NDUFA9: variants seen among roughly 807,000 people sequenced by gnomAD.
NDUFA9 encodes the protein NADH dehydrogenase [ubiquinone] 1 alpha subcomplex subunit 9, mitochondrial.
Under a neutral mutation model 45.9 loss-of-function variants are expected in NDUFA9, and 23 were observed. The ratio of observed to expected loss-of-function variants is 0.50; its 90% confidence interval spans 0.36 to 0.71. NDUFA9 has a LOEUF of 0.71. NDUFA9 is among the 30% of genes least tolerant of loss of function. The probability of loss-of-function intolerance (pLI) is 0.00; values close to 1 mark genes in which losing one functional copy is unlikely to be tolerated. For missense variants in NDUFA9, 466 were observed against 488.2 expected (o/e 0.95, Z 0.43); for synonymous variants, 176 against 170.5 (o/e 1.03, Z -0.25).
At chr12:4,654,140 G>C in intron 1 of NDUFA9, 152 bp from the exon 2 acceptor site, 1 of 670,510 alleles carries the variant, frequency 1.5e-6, no homozygotes, top group Non-Finnish European at 2.5e-6. Context: ...TGTCGTAGTA[G>C]TTTGTGTTTA....
intron 9 of NDUFA9, among the ~76,000 whole-genome samples, chr12:4,683,471 A>G (rs184137134): frequency 3.6e-4 from 55 of 152,338 alleles, no homozygotes; most frequent in African/African-American, 1.2e-3. Context: ...CAAACACTCA[A>G]AAATCTTATG....
intron 8 of NDUFA9, among the ~76,000 whole-genome samples, chr12:4,677,176 A>G (rs1445207497): frequency 6.6e-6 from 1 of 152,212 alleles, no homozygotes; most frequent in South Asian, 2.1e-4. Flanking sequence ...ACTTAAACGT[A>G]AGACCTAAAA....
At chr12:4,673,092 G>A (rs1198723233) in intron 8 of NDUFA9, among the ~76,000 whole-genome samples, 9 of 152,204 alleles carry the variant, frequency 5.9e-5, no homozygotes, top group Admixed American at 5.9e-4. Context: ...GGCAAACAGG[G>A]TCTGGTGTGG....
Position 4,693,948 on chromosome 12 carries a change from G to C in NDUFA9, c.*6840G>C, listed in dbSNP as rs555622626. On this transcript the variant is annotated 3_prime_UTR_variant, in exon 11 of 11. Transcript: ENST00000266544. ...GATTGGGGAAAAACACATCTTTTCT[G>C]GGGCTAGACAGTCCATAAATAGGAC... The C allele has an allele frequency of 2.0e-5, 3 of 152,296 alleles. No homozygotes were observed. In the East Asian group the frequency reaches 5.8e-4, roughly 29 times the overall value. 9.4% of individuals were successfully genotyped at this position (152,296 alleles called of 1,614,324 possible).
Position 4,689,615 on chromosome 12 carries a change from G to T in NDUFA9, c.*2507G>T. 2 of 190,968 alleles carry T rather than the reference G, an allele frequency of 1.0e-5. No homozygotes were observed. Among genetic ancestry groups the T allele is most frequent in the Non-Finnish European group, 1.0e-5 (1 of 97,850 alleles). 11.8% of individuals were successfully genotyped at this position (190,968 alleles called of 1,614,324 possible). A position where few individuals can be genotyped will look rare whatever the true frequency, so the allele number is the denominator to read the frequency against. ...CATGTTTCAGAGAGCACAGGGTTGGGGGTAAGATCATAGATCAACAGCATC... is the reference window on the plus strand; with the variant it reads ...CATGTTTCAGAGAGCACAGGGTTGGTGGTAAGATCATAGATCAACAGCATC... On this transcript the variant is annotated 3_prime_UTR_variant, in exon 11 of 11. Coordinates refer to ENST00000266544, the MANE Select transcript of NDUFA9 (RefSeq NM_005002.5).
intron 2 of NDUFA9, among the ~76,000 whole-genome samples, 157 bp downstream of exon 2, chr12:4,654,619 C>T (rs951103764): frequency 6.6e-6 from 1 of 152,120 alleles, no homozygotes; most frequent in Admixed American, 6.5e-5. Flanking sequence ...GAAGAGCACA[C>T]TCATGCTCCT....
intron 3 of NDUFA9, chr12:4,657,365 C>T (rs554641680): frequency 1.8e-4 from 31 of 169,888 alleles, no homozygotes; most frequent in African/African-American, 7.2e-4. Flanking sequence ...GAAAGTCTAT[C>T]TCCCTAATGA....
rs1291600764 is a variant in NDUFA9 at position 4,687,269 on chromosome 12, G to A, written c.*161G>A. On this transcript the variant is annotated 3_prime_UTR_variant, in exon 11 of 11. Coordinates refer to ENST00000266544, the MANE Select transcript of NDUFA9 (RefSeq NM_005002.5). Reference sequence around the variant, plus strand: ...TTTTCTTCCTTGATTTACAAAATGAGAAATGTAGTCACTTAGAACTTGAGC... The same window carrying A: ...TTTTCTTCCTTGATTTACAAAATGAAAAATGTAGTCACTTAGAACTTGAGC... The A allele has an allele frequency of 3.2e-6, 2 of 631,792 alleles. No individual in the cohort carries two copies. The highest frequency in any genetic ancestry group is 5.1e-6 in the Non-Finnish European group (2 of 391,610). The allele number at this position is 631,792 out of a possible 1,614,324, so 39.1% of individuals were successfully genotyped here. A position where few individuals can be genotyped will look rare whatever the true frequency, so the allele number is the denominator to read the frequency against.
chr12:4,682,574 G>A (rs1310354628), intron 9 of NDUFA9, among the ~76,000 whole-genome samples: 2 of 152,146 alleles, frequency 1.3e-5, no homozygotes, highest in East Asian at 1.9e-4. Context: ...TAAAACCATC[G>A]AGTTTAATTT....
At chr12:4,676,597 A>G (rs1945921419) in intron 8 of NDUFA9, among the ~76,000 whole-genome samples, 1 of 152,236 alleles carries the variant, frequency 6.6e-6, no homozygotes, top group African/African-American at 2.4e-5. Flanking sequence ...AGGGATGTGA[A>G]GGACCTATTC....
intron 8 of NDUFA9, among the ~76,000 whole-genome samples, chr12:4,675,920 C>G (rs1056595678): frequency 1.3e-5 from 2 of 151,556 alleles, no homozygotes; most frequent in African/African-American, 4.8e-5. Flanking sequence ...TAAAATCCAG[C>G]AGCACATCAA....
chr12:4,661,856 C>T (rs1565566670), intron 5 of NDUFA9, among the ~76,000 whole-genome samples: 1 of 151,868 alleles, frequency 6.6e-6, no homozygotes, highest in South Asian at 2.1e-4. Flanking sequence ...GATGTTGATA[C>T]AGTAGGTGGT....
chr12:4,658,996 G>A, intron 4 of NDUFA9, 40 bp from the exon 5 acceptor site: 1 of 1,581,770 alleles, frequency 6.3e-7, no homozygotes, highest in Non-Finnish European at 8.7e-7. Flanking sequence ...GATCCTGTGT[G>A]TGGAGTTCTT....
At chr12:4,657,718 T>G in intron 3 of NDUFA9, 30 bp from the exon 4 acceptor site, 1 of 1,549,468 alleles carries the variant, frequency 6.5e-7, no homozygotes, top group East Asian at 2.2e-5. Flanking sequence ...TACCCCTATG[T>G]TTTCATCCGA....
At chr12:4,676,472 C>G (rs1490738129) in intron 8 of NDUFA9, among the ~76,000 whole-genome samples, 2 of 152,208 alleles carry the variant, frequency 1.3e-5, no homozygotes, top group African/African-American at 2.4e-5. Context: ...GTGCAAAAAT[C>G]ACAAGCATTC....
chr12:4,652,643 A>G (rs1284229687), intron 1 of NDUFA9, among the ~76,000 whole-genome samples: 2 of 152,158 alleles, frequency 1.3e-5, no homozygotes, highest in African/African-American at 2.4e-5. Context: ...CTCCTACCTC[A>G]TGGGACTGCT....
chr12:4,657,650 G>A, intron 3 of NDUFA9, 98 bp from the exon 4 acceptor site: 1 of 831,554 alleles, frequency 1.2e-6, no homozygotes, highest in South Asian at 1.4e-5. Context: ...GACTACAGCA[G>A]ATGGCCCATT....
chr12:4,654,796 G>C, intron 2 of NDUFA9, 29 bp from the exon 3 acceptor site: 1 of 1,515,248 alleles, frequency 6.6e-7, no homozygotes, highest in Non-Finnish European at 9.1e-7. Flanking sequence ...TGTTAATGTT[G>C]ATCCTTTTTT....
At chr12:4,671,047 T>A (rs973277811) in intron 8 of NDUFA9, among the ~76,000 whole-genome samples, 2 of 151,490 alleles carry the variant, frequency 1.3e-5, no homozygotes, top group African/African-American at 4.9e-5. Context: ...GTGTAGATAT[T>A]TTTCCTCTTG....
Sources: gnomAD v4.1 joint callset for allele counts (sites outside exome capture counted in the v4.1 genomes callset) on GRCh38, gnomAD v4.1.1 for gene constraint, MANE v1.5 for transcripts, NCBI Gene and HGNC (gene_info 2026-07-23, HGNC 2026-07-21) for gene names.